The following SCP2 variants were observed in gnomAD, a reference collection of about 807,000 sequenced individuals.
SCP2 encodes sterol carrier protein 2.
In SCP2, 48 loss-of-function variants were observed where a neutral mutation model predicts 71.4. The ratio of observed to expected loss-of-function variants is 0.67; its 90% CI spans 0.53 to 0.86. The LOEUF (loss-of-function observed/expected upper bound fraction) is 0.86, where lower values mean the gene tolerates loss of function less well. Among genes scored for constraint, SCP2 ranks in the 40% least tolerant of loss-of-function variants. The pLI, the probability that SCP2 is intolerant of heterozygous loss-of-function variation, is 0.00. For synonymous variants in SCP2, 220 were observed against 218.1 expected (o/e 1.01, Z -0.08); for missense variants, 560 against 655.6 (o/e 0.85, Z 1.59).
At chr1:52,944,809 G>A (rs1284285980) in intron 2 of SCP2, among the ~76,000 whole-genome samples, 2 of 151,868 alleles carry the variant, frequency 1.3e-5, no homozygotes, top group Non-Finnish European at 2.9e-5. Flanking sequence ...AGCACCTGAA[G>A]CTAACTTTTG....
Position 53,042,412 on chromosome 1 carries a change from A to T in SCP2, c.1468+3366A>T, listed in dbSNP as rs372316144. On this transcript the variant is annotated intron_variant, in intron 14 of 15. Transcript: ENST00000371514. Reference sequence around the variant, plus strand: ...AGCGTTGGTTTGTCATCAAAGATCAAATGCTGATGGAAAGCTGTTGAATGA... The same window carrying T: ...AGCGTTGGTTTGTCATCAAAGATCATATGCTGATGGAAAGCTGTTGAATGA... 2.0e-4 allele frequency among the ~76,000 whole-genome samples: 31 copies of T among 152,184 alleles called. No homozygotes were observed. In the East Asian group the frequency reaches 5.8e-3, roughly 28 times the overall value.
chr1:53,032,647 T>C (rs935020265), intron 13 of SCP2, among the ~76,000 whole-genome samples: 3 of 152,190 alleles, frequency 2.0e-5, no homozygotes, highest in Admixed American at 1.3e-4. Context: ...ATCCTTCGGA[T>C]CATGAAGACT....
intron 3 of SCP2, 109 bp from the exon 4 acceptor site, chr1:52,950,646 A>G (rs917122324): frequency 3.1e-5 from 26 of 840,268 alleles, no homozygotes; most frequent in Admixed American, 1.9e-5. Flanking sequence ...TGTCTTGCAC[A>G]TGTTATATGC....
chr1:53,035,055 A>C (rs1662825511), intron 13 of SCP2, among the ~76,000 whole-genome samples: 1 of 151,952 alleles, frequency 6.6e-6, no homozygotes, highest in African/African-American at 2.4e-5. Context: ...CAGTAAGCTG[A>C]GATCACGCCA....
chr1:52,996,174 G>A, intron 11 of SCP2: 2 of 392,298 alleles, frequency 5.1e-6, no homozygotes, highest in East Asian at 3.7e-5. Flanking sequence ...CACTCAATAA[G>A]TATTTGTCTG....
At chr1:52,985,347 C>T (rs938381381) in intron 10 of SCP2, among the ~76,000 whole-genome samples, 12 of 152,130 alleles carry the variant, frequency 7.9e-5, no homozygotes, top group African/African-American at 2.9e-4. Context: ...AACTGGAAAC[C>T]ATCAGGCTTG....
At chr1:53,040,368 A>T (rs1303128432) in intron 14 of SCP2, among the ~76,000 whole-genome samples, 2 of 152,152 alleles carry the variant, frequency 1.3e-5, no homozygotes, top group Non-Finnish European at 1.5e-5. Context: ...TGTTGCATGA[A>T]TGTGGGATTC....
intron 4 of SCP2, among the ~76,000 whole-genome samples, chr1:52,951,708 A>G (rs989926043): frequency 6.6e-6 from 1 of 151,582 alleles, no homozygotes; most frequent in Non-Finnish European, 1.5e-5. Flanking sequence ...TATCACCACT[A>G]TGTAATATTA....
chr1:52,970,497 C>T (rs1334461171), intron 6 of SCP2, among the ~76,000 whole-genome samples: 1 of 152,148 alleles, frequency 6.6e-6, no homozygotes, highest in Non-Finnish European at 1.5e-5. Flanking sequence ...TTCTCCTTCA[C>T]TACTCAATTG....
intron 11 of SCP2, among the ~76,000 whole-genome samples, chr1:52,996,827 A>G (rs371749563): frequency 4.9e-4 from 75 of 152,360 alleles, no homozygotes; most frequent in African/African-American, 1.7e-3. Flanking sequence ...ATACTGCCAC[A>G]TCAGTGTTTG....
intron 4 of SCP2, among the ~76,000 whole-genome samples, chr1:52,952,025 T>G (rs1246338885): frequency 6.6e-6 from 1 of 152,090 alleles, no homozygotes; most frequent in African/African-American, 2.4e-5. Context: ...GGTGTGAGGC[T>G]TACCTTGGCT....
In SCP2 at chr1:52,986,427, A is replaced by T. The variant is rs149878451; in HGVS notation, c.974-1602A>T. Among the ~76,000 whole-genome samples, 1,002 of 152,352 alleles carry T rather than the reference A, an allele frequency of 6.6e-3. 9 individuals are homozygous for T. The highest frequency in any genetic ancestry group is 0.023 in the African/African-American group (942 of 41,586). On this transcript the variant is annotated intron_variant, in intron 10 of 15. Transcript: ENST00000371514. Reference sequence around the variant, plus strand: ...TCAGAGCAATTTCCAAGGTAGAAACATACCAAAAAATAAAAGAGAGAATGC... The same window carrying T: ...TCAGAGCAATTTCCAAGGTAGAAACTTACCAAAAAATAAAAGAGAGAATGC...
intron 11 of SCP2, 92 bp downstream of exon 11, chr1:52,988,228 C>A: frequency 1.4e-6 from 1 of 738,800 alleles, no homozygotes. Context: ...AGATTATATT[C>A]TCTGAACTTG....
chr1:53,029,412 A>G (rs1662368370), intron 13 of SCP2, among the ~76,000 whole-genome samples: 1 of 152,056 alleles, frequency 6.6e-6, no homozygotes, highest in Admixed American at 6.6e-5. Context: ...TACAGGCGTG[A>G]GCCTCTGCCT....
chr1:52,995,765 C>T (rs1659889535), intron 11 of SCP2: 6 of 783,842 alleles, frequency 7.7e-6, no homozygotes, highest in Non-Finnish European at 1.4e-5. Context: ...CATCCCACCT[C>T]ATGGCTTCAA....
intron 10 of SCP2, among the ~76,000 whole-genome samples, chr1:52,985,497 G>A (rs1028864387): frequency 3.9e-5 from 6 of 152,114 alleles, no homozygotes; most frequent in South Asian, 2.1e-4. Flanking sequence ...GAACAGCATC[G>A]TTTCTCATTT....
chr1:53,032,179 G>A, intron 13 of SCP2, among the ~76,000 whole-genome samples: 1 of 152,208 alleles, frequency 6.6e-6, no homozygotes, highest in East Asian at 1.9e-4. Flanking sequence ...ATCGGCTAAA[G>A]TTTAGAAATG....
At chr1:53,002,509 T>C (rs1290041243) in intron 11 of SCP2, among the ~76,000 whole-genome samples, 2 of 152,196 alleles carry the variant, frequency 1.3e-5, no homozygotes, top group Non-Finnish European at 2.9e-5. Context: ...AGAGCATGCA[T>C]TTACCTGTCA....
intron 10 of SCP2, among the ~76,000 whole-genome samples, chr1:52,982,518 T>C (rs1462538733): frequency 6.6e-6 from 1 of 151,972 alleles, no homozygotes; most frequent in Non-Finnish European, 1.5e-5. Context: ...TGCAGGGAGC[T>C]GATATCATAC....
Sources: gnomAD v4.1 joint callset for allele counts (sites outside exome capture counted in the v4.1 genomes callset) on GRCh38, gnomAD v4.1.1 for gene constraint, MANE v1.5 for transcripts, NCBI Gene and HGNC (gene_info 2026-07-23, HGNC 2026-07-21) for gene names.